Variants in PDXDC1 observed in about 807,000 individuals in gnomAD.
PDXDC1 encodes the protein pyridoxal dependent decarboxylase domain containing 1.
In PDXDC1, 42 loss-of-function variants were observed where a neutral mutation model predicts 100.1. The observed-to-expected ratio is 0.42, with a 90% confidence interval of 0.33 to 0.54. The LOEUF is 0.54. Ranked by LOEUF, PDXDC1 falls within the 20% of genes least tolerant of loss-of-function variation. PDXDC1 has a pLI of 0.10. For synonymous variants in PDXDC1, 260 were observed against 371.7 expected (o/e 0.70, Z 3.46); for missense variants, 636 against 979.2 (o/e 0.65, Z 4.68).
chr16:15,033,035 G>C (rs1376690795), intron 18 of PDXDC1, 56 bp downstream of exon 18: 6 of 1,151,212 alleles, frequency 5.2e-6, no homozygotes, highest in Non-Finnish European at 7.9e-6. Context: ...TTGGTAACCG[G>C]CTTTGAAGAC....
intron 16 of PDXDC1, among the ~76,000 whole-genome samples, chr16:15,051,383 C>T (rs1360553395): frequency 6.6e-6 from 1 of 152,228 alleles, no homozygotes; most frequent in Non-Finnish European, 1.5e-5. Context: ...TAAACAGGGT[C>T]TTACTGTCTC....
rs373859338 is a variant in PDXDC1, at chr16:15,038,238, A to C, written c.*1963A>C. The stretch of plus-strand genomic sequence containing the variant: ...GAAAACACAAGATGGTGGGCATTAG[A>C]GAAGCCAACCTTACTGTCCCCTGCT... On this transcript the variant is annotated 3_prime_UTR_variant, in exon 23 of 23. Coordinates refer to ENST00000396410, the MANE Select transcript of PDXDC1 (RefSeq NM_015027.4). 8 of 1,580,082 alleles carry C rather than the reference A, an allele frequency of 5.1e-6. No homozygotes were observed. The highest frequency in any genetic ancestry group is 6.9e-6 in the Non-Finnish European group (8 of 1,152,314).
intron 13 of PDXDC1, among the ~76,000 whole-genome samples, chr16:15,024,430 A>G (rs1187764754): frequency 1.2e-4 from 17 of 138,370 alleles, no homozygotes; most frequent in African/African-American, 4.3e-4. Context: ...TTTTTGAGAC[A>G]GAGTCTCACT....
At chr16:15,043,756 T>C (rs920910646) in intron 16 of PDXDC1, among the ~76,000 whole-genome samples, 2 of 152,178 alleles carry the variant, frequency 1.3e-5, no homozygotes, top group African/African-American at 4.8e-5. Context: ...ACAACCAGCC[T>C]GGCCAACATG....
chr16:15,040,734 A>G (rs2043776278), downstream of PDXDC1, among the ~76,000 whole-genome samples: 1 of 152,118 alleles, frequency 6.6e-6, no homozygotes, highest in Admixed American at 6.5e-5. Context: ...CTGGCAGGAG[A>G]AAAGCACGCC....
intron 16 of PDXDC1, among the ~76,000 whole-genome samples, chr16:15,077,968 G>A (rs557292110): frequency 1.0e-3 from 156 of 152,246 alleles, no homozygotes; most frequent in Non-Finnish European, 1.8e-3. Context: ...TAAACATATC[G>A]TCAATCAACT....
chr16:15,051,155 C>T (rs1400658023), intron 16 of PDXDC1, among the ~76,000 whole-genome samples: 6 of 152,312 alleles, frequency 3.9e-5, no homozygotes, highest in Middle Eastern at 3.4e-3. Context: ...GGCGCAAAGG[C>T]GAATTTTTAA....
intron 16 of PDXDC1, among the ~76,000 whole-genome samples, chr16:15,085,039 C>A (rs932365747): frequency 6.6e-6 from 1 of 152,064 alleles, no homozygotes; most frequent in Non-Finnish European, 1.5e-5. Flanking sequence ...ATACTCCAGC[C>A]TGGGCAACAG....
rs1352448757 is a variant in PDXDC1 at position 15,077,118 on chromosome 16, TAC to T, written c.1399+47064_1399+47065del. On this transcript the variant is annotated intron_variant, in intron 16 of 16. Transcript: ENST00000535621. ...CCTCAGCCTCCCGAGTAGCTGGGAT[TAC>T]AGTCATGTGCCACTGTGCCCAGCTA... Among the ~76,000 whole-genome samples the T allele has an allele frequency of 5.3e-5, 8 of 151,962 alleles. No homozygotes were observed. The East Asian group carries it at 1.4e-3, about 26-fold the overall frequency.
chr16:15,142,012 A>G (rs1415924032), downstream of PDXDC1, among the ~76,000 whole-genome samples: 5 of 152,172 alleles, frequency 3.3e-5, no homozygotes, highest in Admixed American at 6.5e-5. Flanking sequence ...GGCCACGGTG[A>G]ACACAGGCAG....
intron 16 of PDXDC1, chr16:15,093,995 G>A: frequency 1.4e-6 from 1 of 707,046 alleles, no homozygotes; most frequent in South Asian, 1.6e-5. Context: ...TAGGAGGAAT[G>A]AGCTCATTTC....
At chr16:15,033,744 G>A (rs1376713236) in intron 19 of PDXDC1, among the ~76,000 whole-genome samples, 1 of 152,178 alleles carries the variant, frequency 6.6e-6, no homozygotes, top group African/African-American at 2.4e-5. Context: ...TGTGTCCTGA[G>A]GGTGAATGAA....
chr16:15,001,758 A>G lies in PDXDC1; in HGVS notation c.162-18A>G, dbSNP rs1973207728. 1.9e-6 allele frequency: 3 copies of G among 1,600,404 alleles called. No individual in the cohort carries two copies. The highest frequency in any genetic ancestry group is 1.1e-5 in the South Asian group (1 of 88,818). On this transcript the variant is annotated intron_variant, in intron 3 of 22. Coordinates refer to ENST00000396410, the MANE Select transcript of PDXDC1 (RefSeq NM_015027.4). Reference sequence around the variant, plus strand: ...GTGTGCTGTTCCCATCAGCCCATCAACTCTTTTTATTCTGCAGTGGGCAAG... The same window carrying G: ...GTGTGCTGTTCCCATCAGCCCATCAGCTCTTTTTATTCTGCAGTGGGCAAG...
chr16:15,019,904 A>C (rs2042049163), intron 12 of PDXDC1, among the ~76,000 whole-genome samples: 2 of 152,270 alleles, frequency 1.3e-5, no homozygotes, highest in Admixed American at 1.3e-4. Flanking sequence ...CAAGGTCATG[A>C]GATCAAGACC....
downstream of PDXDC1, chr16:15,038,636 A>C (rs758207326): frequency 6.2e-7 from 1 of 1,610,252 alleles, no homozygotes; most frequent in South Asian, 1.1e-5. Context: ...GGTGTCCAGG[A>C]GTACGGTCCT....
chr16:15,093,489 G>C (rs2046223454), intron 16 of PDXDC1, among the ~76,000 whole-genome samples: 1 of 152,172 alleles, frequency 6.6e-6, no homozygotes, highest in Non-Finnish European at 1.5e-5. Flanking sequence ...TCTGTAGAAA[G>C]CAGGGACATT....
At position 15,130,692 on chromosome 16, in the gene PDXDC1, C is replaced by T. The variant is rs772557386; in HGVS notation, c.1400-8187C>T. 17 of 1,477,280 alleles carry T rather than the reference C, an allele frequency of 1.2e-5. No individual in the cohort carries two copies. The East Asian group carries it at 1.4e-4, about 12-fold the overall frequency. 91.5% of individuals were successfully genotyped at this position (1,477,280 alleles called of 1,614,324 possible). A position where few individuals can be genotyped will look rare whatever the true frequency, so the allele number is the denominator to read the frequency against. On this transcript the variant is annotated intron_variant, in intron 16 of 16. Coordinates refer to the PDXDC1 transcript ENST00000535621. ...GTCGGCACCCTGGAGGGACTCTGGG[C>T]GGATCCTCCTGCTAGCCGAGCAGTT...
Position 14,975,239 on chromosome 16 carries a change from C to A in PDXDC1, c.21+19C>A, listed in dbSNP as rs1342482350. Reference sequence around the variant, plus strand: ...GGAGAAGGTCCGTGCCGGGAGGGGGCGATGGGGACGGTGCTGCGGCCCGGG... The same window carrying A: ...GGAGAAGGTCCGTGCCGGGAGGGGGAGATGGGGACGGTGCTGCGGCCCGGG... On this transcript the variant is annotated intron_variant, in intron 1 of 22. Transcript: ENST00000396410. 1 of 1,413,836 alleles carries A rather than the reference C, an allele frequency of 7.1e-7. No homozygotes were observed. The highest frequency in any genetic ancestry group is 2.9e-5 in the East Asian group (1 of 34,854). 87.6% of individuals were successfully genotyped at this position (1,413,836 alleles called of 1,614,324 possible).
chr16:15,059,408 T>G (rs1187781307), intron 16 of PDXDC1, among the ~76,000 whole-genome samples: 1 of 152,234 alleles, frequency 6.6e-6, no homozygotes, highest in African/African-American at 2.4e-5. Context: ...AGTGCTTCCT[T>G]TCTTGCAAGA....
Sources: gnomAD v4.1 joint callset for allele counts (sites outside exome capture counted in the v4.1 genomes callset) on GRCh38, gnomAD v4.1.1 for gene constraint, MANE v1.5 for transcripts, NCBI Gene and HGNC (gene_info 2026-07-23, HGNC 2026-07-21) for gene names.